ZDHHC11: variants seen among roughly 807,000 people sequenced by gnomAD.
ZDHHC11 encodes palmitoyltransferase ZDHHC11.
In ZDHHC11, 44 loss-of-function variants were observed where a neutral mutation model predicts 51.3. The observed-to-expected ratio is 0.86, with a 90% CI of 0.67 to 1.10. The LOEUF (loss-of-function observed/expected upper bound fraction) is 1.10, where lower values mean the gene tolerates loss of function less well. Among genes scored for constraint, ZDHHC11 ranks in the 50% least tolerant of loss-of-function variants. The probability of loss-of-function intolerance (pLI) is 0.00; values close to 1 mark genes in which losing one functional copy is unlikely to be tolerated. For synonymous variants in ZDHHC11, 163 were observed against 222.0 expected (o/e 0.73, Z 2.36); for missense variants, 400 against 537.7 (o/e 0.74, Z 2.53).
At chr5:859,885 C>G (rs138952563), upstream of ZDHHC11, among the ~76,000 whole-genome samples, 425 of 152,304 alleles carry the variant, frequency 2.8e-3, 3 homozygotes, top group African/African-American at 9.8e-3. Context: ...TGAATGCCTC[C>G]GATGCGGGCC....
chr5:820,988 G>A (rs923971787), intron 9 of ZDHHC11, among the ~76,000 whole-genome samples: 12 of 151,318 alleles, frequency 7.9e-5, no homozygotes, highest in Non-Finnish European at 1.6e-4. Context: ...ATGGGGAAAG[G>A]TGCAATATTT....
intron 1 of ZDHHC11, 79 bp from the exon 2 acceptor site, chr5:848,739 A>G: frequency 6.4e-7 from 1 of 1,566,626 alleles, no homozygotes; most frequent in Non-Finnish European, 8.6e-7. Context: ...AAGGGCCCAG[A>G]AGAGGCGTGG....
At chr5:852,167 C>G (rs913268341), upstream of ZDHHC11, among the ~76,000 whole-genome samples, 1 of 152,074 alleles carries the variant, frequency 6.6e-6, no homozygotes, top group East Asian at 1.9e-4. Flanking sequence ...AAACAAAACC[C>G]AAATGAAAGT....
At chr5:851,106 G>A, upstream of ZDHHC11, 1 of 165,278 alleles carries the variant, frequency 6.1e-6, no homozygotes, top group Admixed American at 5.8e-5. Flanking sequence ...AAGAGCTCGT[G>A]AGCCGTTACT....
At chr5:799,201 T>C (rs529499264) in intron 12 of ZDHHC11, among the ~76,000 whole-genome samples, 1 of 151,536 alleles carries the variant, frequency 6.6e-6, no homozygotes, top group South Asian at 2.1e-4. Flanking sequence ...GCTCAAGTAC[T>C]TCTTGCTCTA....
At chr5:837,219 A>G in intron 6 of ZDHHC11, 146 bp downstream of exon 6, 3 of 869,732 alleles carry the variant, frequency 3.4e-6, no homozygotes, top group Non-Finnish European at 5.6e-6. Context: ...CCATGCACAG[A>G]GCCTCACACA....
rs1737581802 is a variant in ZDHHC11, at chr5:796,452, G to A, written c.*136C>T. The A allele has an allele frequency of 6.7e-6, 1 of 148,824 alleles. No individual in the cohort carries two copies. Among genetic ancestry groups the A allele is most frequent in the African/African-American group, 2.5e-5 (1 of 40,288 alleles). The allele number at this position is 148,824 out of a possible 1,614,324, so 9.2% of individuals were successfully genotyped here. A position where few individuals can be genotyped will look rare whatever the true frequency, so the allele number is the denominator to read the frequency against. On this transcript the variant is annotated 3_prime_UTR_variant, in exon 13 of 13. Transcript: ENST00000283441. ...GACATCCAGGGGCCTCTGAGATGAT[G>A]GGCTCTGGTTCCTGGCCTGTAGCAT... is the stretch of plus-strand genomic sequence containing the variant.
chr5:829,708 A>G (rs1159300319), intron 7 of ZDHHC11, among the ~76,000 whole-genome samples: 5 of 151,682 alleles, frequency 3.3e-5, no homozygotes, highest in South Asian at 2.1e-4. Context: ...ACAGACTAAT[A>G]TCCCTCATGA....
At chr5:805,230 G>A (rs545344968) in intron 11 of ZDHHC11, among the ~76,000 whole-genome samples, 1,285 of 151,090 alleles carry the variant, frequency 8.5e-3, no homozygotes, top group African/African-American at 0.03. Flanking sequence ...GTGAGACCAG[G>A]AGTTCAAGTC....
chr5:837,887 G>A (rs1347711654), intron 5 of ZDHHC11, among the ~76,000 whole-genome samples: 1 of 151,936 alleles, frequency 6.6e-6, no homozygotes, highest in East Asian at 1.9e-4. Context: ...CTCAGGAGGG[G>A]CCGCTCTGTC....
chr5:838,579 C>T (rs1265437797), intron 5 of ZDHHC11, among the ~76,000 whole-genome samples: 1 of 152,136 alleles, frequency 6.6e-6, no homozygotes, highest in Non-Finnish European at 1.5e-5. Flanking sequence ...CCTGGAGTCA[C>T]TGCCCAGGGA....
chr5:842,061 C>A (rs899216316), intron 4 of ZDHHC11: 13 of 986,560 alleles, frequency 1.3e-5, no homozygotes, highest in Non-Finnish European at 1.6e-5. Flanking sequence ...TTGCTCAGGG[C>A]CTTGCTGGTT....
chr5:843,557 C>G, intron 4 of ZDHHC11, 43 bp downstream of exon 4: 1 of 1,605,650 alleles, frequency 6.2e-7, no homozygotes, highest in Non-Finnish European at 8.5e-7. Flanking sequence ...GGAAAGACGG[C>G]TGGAGGCGAG....
intron 11 of ZDHHC11, among the ~76,000 whole-genome samples, chr5:801,513 C>T (rs1415330115): frequency 1.3e-5 from 2 of 151,714 alleles, no homozygotes; most frequent in Non-Finnish European, 2.9e-5. Flanking sequence ...CAGCTCATGC[C>T]TGGTACCTTC....
chr5:824,548 C>T lies in ZDHHC11; in HGVS notation c.1023+616G>A, dbSNP rs1454286077. On this transcript the variant is annotated intron_variant, in intron 8 of 12. Transcript: ENST00000283441. ...TATGTGGCCCTAAAGCCGGCAGCCG[C>T]GCTGGTCTTTTCCTGTGAAGGATGG... is the stretch of plus-strand genomic sequence containing the variant. Among the ~76,000 whole-genome samples, 12 of 151,524 alleles carry T rather than the reference C, an allele frequency of 7.9e-5. 1 individual carries two copies. The highest frequency in any genetic ancestry group is 3.8e-4 in the East Asian group (2 of 5,198).
At chr5:829,790 C>T (rs1377356209) in intron 7 of ZDHHC11, among the ~76,000 whole-genome samples, 2 of 151,430 alleles carry the variant, frequency 1.3e-5, no homozygotes, top group African/African-American at 2.4e-5. Context: ...GATAATAACA[C>T]CATGGTCAAG....
Position 840,540 on chromosome 5 carries a change from C to T in ZDHHC11, c.739G>A (p.Gly247Ser). 6.2e-7 allele frequency: 1 copy of T among 1,613,856 alleles called. No individual in the cohort carries two copies. The highest frequency in any genetic ancestry group is 8.5e-7 in the Non-Finnish European group (1 of 1,179,866). Residue 247 changes from glycine to serine, a missense_variant, in exon 5 of 13, where the codon GGC becomes AGC. Gly to Ser is a moderately conservative substitution (Grantham distance 56). Coordinates refer to ENST00000283441, the MANE Select transcript of ZDHHC11 (RefSeq NM_024786.3). ...AGCAGCTGGCCCAGGTGCACCAAGC[C>T]AAGAAAGTCCAGCAGGAGCACGAGC... ...GMLVLLLDFL[G>S]LVHLGQLLIF...
intron 10 of ZDHHC11, among the ~76,000 whole-genome samples, chr5:818,047 T>C (rs1037101300): frequency 3.3e-5 from 5 of 151,328 alleles, no homozygotes; most frequent in Non-Finnish European, 5.9e-5. Context: ...GTTATTTTCA[T>C]AGGATTGTCC....
At chr5:803,788 G>C (rs559364960) in intron 11 of ZDHHC11, among the ~76,000 whole-genome samples, 1 of 150,694 alleles carries the variant, frequency 6.6e-6, no homozygotes, top group South Asian at 2.1e-4. Context: ...AATTAGATTA[G>C]TAGTAGAGAT....
Sources: allele counts gnomAD v4.1 joint callset (sites outside exome capture counted in the v4.1 genomes callset), GRCh38; gene constraint gnomAD v4.1.1; transcripts MANE v1.5; gene names NCBI Gene and HGNC (gene_info 2026-07-23, HGNC 2026-07-21).